CFAP251: variants seen among roughly 807,000 people sequenced by gnomAD.
The protein encoded by CFAP251 is cilia- and flagella-associated protein 251.
A neutral mutation model predicts 126.7 loss-of-function variants in CFAP251; 93 were observed. The observed-to-expected ratio is 0.73, with a 90% CI of 0.62 to 0.87. CFAP251 has a LOEUF of 0.87. CFAP251 is among the 40% of genes least tolerant of loss of function. CFAP251 has a pLI of 0.00. For synonymous variants in CFAP251, 503 were observed against 506.9 expected (o/e 0.99, Z 0.10); for missense variants, 1,287 against 1,389.2 (o/e 0.93, Z 1.17).
chr12:121,929,319 CAAAA>C (rs907807088), intron 3 of CFAP251, among the ~76,000 whole-genome samples: 1 of 68,944 alleles, frequency 1.5e-5, no homozygotes. Context: ...GACTCCATCT[CAAAA>C]AAAAAAAAAA....
rs1179624809 is a variant in CFAP251 at position 121,974,288 on chromosome 12, A to C, written c.2772-956A>C. ...GCCATGTGAAACCGTAAGTCCAATA[A>C]ACCTCTTTCTTTTGTAAATTGCCCA... is the stretch of plus-strand genomic sequence containing the variant. On this transcript the variant is annotated intron_variant, in intron 17 of 21. Transcript: ENST00000288912. The surrounding 1 kb of genome is among the most constrained non-coding windows in gnomAD (Gnocchi z 4.6). Among the ~76,000 whole-genome samples the C allele has an allele frequency of 6.6e-6, 1 of 152,190 alleles. No homozygotes were observed. Among genetic ancestry groups the C allele is most frequent in the African/African-American group, 2.4e-5 (1 of 41,432 alleles).
chr12:121,919,139 TA>T (rs201413492), intron 1 of CFAP251, among the ~76,000 whole-genome samples: 675 of 51,044 alleles, frequency 0.013, no homozygotes, highest in Non-Finnish European at 0.024. Context: ...TTATTATTAT[TA>T]TTATTTTTTT....
intron 19 of CFAP251, among the ~76,000 whole-genome samples, chr12:121,984,291 C>T (rs1225458849): frequency 6.6e-6 from 1 of 152,008 alleles, no homozygotes; most frequent in Non-Finnish European, 1.5e-5. Context: ...TCCTAGAAAT[C>T]ATTATTTATT....
chr12:121,937,876 C>T (rs755849381), intron 5 of CFAP251, among the ~76,000 whole-genome samples: 1 of 152,202 alleles, frequency 6.6e-6, no homozygotes, highest in African/African-American at 2.4e-5. Flanking sequence ...GCCTTTGTGT[C>T]TGGCTTCTTT....
At chr12:121,937,270 T>A (rs59325626) in intron 5 of CFAP251, among the ~76,000 whole-genome samples, 9,242 of 152,074 alleles carry the variant, frequency 0.061, 517 homozygotes, top group East Asian at 0.21. Flanking sequence ...TGTGGACGCA[T>A]CCCTCCAATC....
At chr12:121,969,557 C>T in intron 17 of CFAP251, 1 of 909,548 alleles carries the variant, frequency 1.1e-6, no homozygotes, top group South Asian at 5.0e-5. Flanking sequence ...GTGATCATGG[C>T]TCACTGCAGC....
intron 15 of CFAP251, among the ~76,000 whole-genome samples, chr12:121,965,086 A>G (rs954958481): frequency 3.9e-5 from 6 of 152,200 alleles, no homozygotes; most frequent in African/African-American, 1.4e-4. Context: ...CTTAATTGGG[A>G]AGGAATTGTC....
At chr12:121,962,741 G>A (rs568066362) in intron 15 of CFAP251, among the ~76,000 whole-genome samples, 1 of 151,208 alleles carries the variant, frequency 6.6e-6, no homozygotes, top group African/African-American at 2.4e-5. Context: ...ATAAAAAGGT[G>A]GGGAGGCAGG....
intron 3 of CFAP251, among the ~76,000 whole-genome samples, chr12:121,927,195 T>C (rs1466129933): frequency 1.3e-5 from 2 of 151,794 alleles, no homozygotes; most frequent in East Asian, 3.9e-4. Context: ...TAGGTTTTTT[T>C]TTTTTTTTAC....
In CFAP251 at chr12:121,923,743, A is replaced by C. The variant is rs1187982422; in HGVS notation, c.500A>C (p.Glu167Ala). ...EFLDLDQISP[E>A]EQQISSPERQ... ...CTTGATTTGGATCAAATCAGTCCTG[A>C]GGAACAACAGATTAGTTCCCCTGAA... Residue 167 changes from glutamate (E) to alanine (A), a missense_variant, in exon 3 of 22, where the codon GAG becomes GCG. Coordinates refer to ENST00000288912, the MANE Select transcript of CFAP251 (RefSeq NM_144668.6). 2.5e-6 allele frequency: 4 copies of C among 1,614,052 alleles called. No individual in the cohort carries two copies. Among genetic ancestry groups the C allele is most frequent in the Non-Finnish European group, 3.4e-6 (4 of 1,180,042 alleles).
intron 19 of CFAP251, among the ~76,000 whole-genome samples, chr12:121,979,579 T>TTTTTTTTTA: frequency 6.8e-6 from 1 of 146,326 alleles, no homozygotes; most frequent in Admixed American, 6.9e-5. Flanking sequence ...TTTTTTTTTT[T>TTTTTTTTTA]TTTGAGACAG....
chr12:121,957,658 A>C (rs928372541), intron 11 of CFAP251, among the ~76,000 whole-genome samples: 1 of 147,404 alleles, frequency 6.8e-6, no homozygotes, highest in Non-Finnish European at 1.5e-5. Flanking sequence ...GAGCTGAGAT[A>C]GCGCCACTCT....
chr12:122,001,811 C>T (rs570539191), intron 21 of CFAP251: 1 of 572,300 alleles, frequency 1.7e-6, no homozygotes, highest in Admixed American at 2.9e-5. Flanking sequence ...TTTGTTTCTT[C>T]TGGGCTTATT....
chr12:121,968,138 C>G lies in CFAP251; in HGVS notation c.2740C>G (p.Arg914Gly), dbSNP rs766932086. ...CYAFTAGGHDRSVVQWKITLS... is the reference protein window; with the variant it reads ...CYAFTAGGHDGSVVQWKITLS... The stretch of plus-strand genomic sequence containing the variant: ...CGCCTTCACTGCGGGAGGGCACGAT[C>G]GCTCGGTGGTGCAGTGGAAAATCAC... The change falls in exon 17 of 22, where the codon CGC becomes GGC. Residue 914 changes from arginine to glycine, a missense_variant. By Grantham distance (125) the Arg-to-Gly change is moderately radical. Coordinates refer to ENST00000288912, the MANE Select transcript of CFAP251 (RefSeq NM_144668.6). 1 of 1,610,716 alleles carries G rather than the reference C, an allele frequency of 6.2e-7. No individual in the cohort carries two copies. Among genetic ancestry groups the G allele is most frequent in the Admixed American group, 1.7e-5 (1 of 59,856 alleles).
chr12:121,959,099 G>C lies in CFAP251; in HGVS notation c.2133+5G>C. The C allele has an allele frequency of 6.3e-7, 1 of 1,578,698 alleles. No individual in the cohort carries two copies. Among genetic ancestry groups the C allele is most frequent in the Non-Finnish European group, 8.6e-7 (1 of 1,168,312 alleles). On this transcript the variant is annotated splice_donor_5th_base_variant and intron_variant, in intron 13 of 21. Transcript: ENST00000288912. ...TCCCAGTATATGGCAACTGCTGTAA[G>C]TATTTTCATGGACAACCCATCCAGT...
chr12:121,924,426 C>CTTTT (rs59759704), intron 3 of CFAP251, among the ~76,000 whole-genome samples: 2 of 90,282 alleles, frequency 2.2e-5, no homozygotes, highest in African/African-American at 1.1e-4. Context: ...AGACTTGTGT[C>CTTTT]TTTTTTTTTT....
chr12:121,925,357 A>G (rs772704399), intron 3 of CFAP251, among the ~76,000 whole-genome samples: 60 of 151,386 alleles, frequency 4.0e-4, no homozygotes, highest in Non-Finnish European at 8.6e-4. Flanking sequence ...CCTAGGATTC[A>G]TCCTTCCTGT....
intron 19 of CFAP251, among the ~76,000 whole-genome samples, chr12:121,985,636 A>G (rs1417338633): frequency 4.6e-5 from 7 of 151,468 alleles, no homozygotes; most frequent in Admixed American, 4.0e-4. Context: ...TATAATATAT[A>G]TAAATATTGA....
rs770876389 is a variant in CFAP251 at position 121,931,782 on chromosome 12, C to A, written c.784C>A (p.Pro262Thr). 1 of 1,601,082 alleles carries A rather than the reference C, an allele frequency of 6.2e-7. No individual in the cohort carries two copies. The highest frequency in any genetic ancestry group is 8.5e-7 in the Non-Finnish European group (1 of 1,174,598). Residue 262 changes from proline to threonine, a missense_variant, in exon 4 of 22, where the codon CCT becomes ACT. Physicochemically the swap from Pro to Thr is conservative, Grantham distance 38 (BLOSUM62 -1). Transcript: ENST00000288912. ...TWSFGWNSSL[P>T]VYYIREERQR... is the part of the protein sequence containing the mutation. ...GTCGTTTGGATGGAACAGTTCTCTT[C>A]CTGTTTACTATATTCGAGAGGAAAG...
Sources: allele counts gnomAD v4.1 joint callset (sites outside exome capture counted in the v4.1 genomes callset), GRCh38; gene constraint gnomAD v4.1.1; non-coding constraint Gnocchi (gnomAD v3.1); transcripts MANE v1.5; gene names NCBI Gene and HGNC (gene_info 2026-07-23, HGNC 2026-07-21).